ALG14: variants seen among roughly 807,000 people sequenced by gnomAD.
The protein encoded by ALG14 is ALG14 UDP-N-acetylglucosaminyltransferase subunit, also known as UDP-N-acetylglucosamine transferase subunit ALG14.
ALG14 carries 17 observed loss-of-function variants against 22.8 expected under a neutral mutation model. That is an observed-to-expected ratio of 0.75 (90% CI 0.51 to 1.12). The LOEUF is 1.12. ALG14 is among the 50% of genes most tolerant of loss of function. The pLI is 0.00. For missense variants in ALG14, 288 were observed against 271.8 expected, an observed-to-expected ratio of 1.06 and a Z score of -0.42; for synonymous variants, 89 against 103.7, an observed-to-expected ratio of 0.86 and a Z score of 0.86.
chr1:94,984,869 A>G (rs910079898), intron 3 of ALG14, among the ~76,000 whole-genome samples: 3 of 152,258 alleles, frequency 2.0e-5, no homozygotes, highest in African/African-American at 7.2e-5. Flanking sequence ...CAAGTACTGC[A>G]CTAAACATTT....
intron 2 of ALG14, among the ~76,000 whole-genome samples, chr1:95,045,339 T>TG (rs1176590020): frequency 6.6e-6 from 1 of 152,198 alleles, no homozygotes; most frequent in Admixed American, 6.6e-5. Flanking sequence ...ACTCTTCTTT[T>TG]GGTTCTGATT....
rs775152763 is a variant in ALG14 at position 95,064,877 on chromosome 1, G to C, written c.277C>G (p.Pro93Ala). Residue 93 changes from proline to alanine, a missense_variant, in exon 2 of 4, where the codon CCT becomes GCT. By Grantham distance (27) the Pro-to-Ala change is conservative (BLOSUM62 -1). Transcript: ENST00000370205. Reference protein sequence around the residue: ...SFELDRADRDPSNMYTKYYIH... With the variant: ...SFELDRADRDASNMYTKYYIH... ...AAATTGTCACTTACCATGTTACTAG[G>C]GTCTCTATCAGCTCGATCTAGTTCA... is the stretch of plus-strand genomic sequence containing the variant. 1.6e-5 allele frequency: 25 copies of C among 1,611,070 alleles called. No individual in the cohort carries two copies. Among genetic ancestry groups the C allele is most frequent in the Middle Eastern group, 1.7e-4 (1 of 6,058 alleles).
At chr1:94,993,327 A>G (rs1235288612) in intron 3 of ALG14, among the ~76,000 whole-genome samples, 1 of 146,326 alleles carries the variant, frequency 6.8e-6, no homozygotes, top group Non-Finnish European at 1.5e-5. Flanking sequence ...ATATAAATAT[A>G]TATTTTAAAT....
chr1:95,016,951 GT>G (rs1673513772), intron 3 of ALG14, among the ~76,000 whole-genome samples: 1 of 98,456 alleles, frequency 1.0e-5, no homozygotes, highest in Non-Finnish European at 2.1e-5. Flanking sequence ...GGGTGTGTGT[GT>G]GTGTGTGTGT....
chr1:95,023,840 T>C (rs1673732626), intron 3 of ALG14, among the ~76,000 whole-genome samples: 1 of 152,154 alleles, frequency 6.6e-6, no homozygotes, highest in African/African-American at 2.4e-5. Context: ...AGCACCAGTG[T>C]AGGGAGTGGG....
At chr1:95,040,898 A>G (rs1208222042) in intron 2 of ALG14, among the ~76,000 whole-genome samples, 1 of 152,232 alleles carries the variant, frequency 6.6e-6, no homozygotes, top group African/African-American at 2.4e-5. Context: ...TAACGGCACT[A>G]TGTTATTCAC....
intron 3 of ALG14, among the ~76,000 whole-genome samples, chr1:95,017,778 C>T (rs1466914283): frequency 1.3e-5 from 2 of 152,124 alleles, no homozygotes; most frequent in East Asian, 1.9e-4. Context: ...ATAGCCACAT[C>T]GACATCATAA....
chr1:95,051,498 A>C (rs1450590158), intron 2 of ALG14, among the ~76,000 whole-genome samples: 1 of 152,150 alleles, frequency 6.6e-6, no homozygotes. Context: ...TCAGCGACTA[A>C]AGTGATTCTG....
At position 94,979,227 on chromosome 1, in the gene ALG14, T is replaced by A. The variant is rs1406605249; in HGVS notation, c.*3849A>T. The A allele has an allele frequency of 7.5e-6, 1 of 132,606 alleles. No individual in the cohort carries two copies. 8.2% of individuals were successfully genotyped at this position (132,606 alleles called of 1,614,324 possible). ...TGAAGCCAGGAGGCAGAGGTTACAG[T>A]GAGCCAGTAAGGTGAGATTGCACCA... On this transcript the variant is annotated 3_prime_UTR_variant, in exon 4 of 4. Coordinates refer to ENST00000370205, the MANE Select transcript of ALG14 (RefSeq NM_144988.4).
chr1:95,045,774 TGGC>T (rs1674528342), intron 2 of ALG14, among the ~76,000 whole-genome samples: 1 of 145,596 alleles, frequency 6.9e-6, no homozygotes, highest in Non-Finnish European at 1.5e-5. Context: ...ACTAATAGAA[TGGC>T]ATACTAATAG....
intron 2 of ALG14, among the ~76,000 whole-genome samples, chr1:95,064,292 C>T (rs1675273657): frequency 6.6e-6 from 1 of 152,146 alleles, no homozygotes; most frequent in African/African-American, 2.4e-5. Flanking sequence ...TTCCTGATTG[C>T]CCTGGCCAGA....
chr1:94,980,431 C>T lies in ALG14; in HGVS notation c.*2645G>A, dbSNP rs1672474528. On this transcript the variant is annotated 3_prime_UTR_variant, in exon 4 of 4. Coordinates refer to ENST00000370205, the MANE Select transcript of ALG14 (RefSeq NM_144988.4). ...TAGGTGTGGGCAGGATGTGTGGTTT[C>T]CCTGCCTCTCATTTGAAGACTGATT... 1 of 152,190 alleles carries T rather than the reference C, an allele frequency of 6.6e-6. No homozygotes were observed. The highest frequency in any genetic ancestry group is 2.1e-4 in the South Asian group (1 of 4,834). The allele number at this position is 152,190 out of a possible 1,614,324, so 9.4% of individuals were successfully genotyped here. A position where few individuals can be genotyped will look rare whatever the true frequency, so the allele number is the denominator to read the frequency against.
At chr1:95,039,086 G>C (rs1674300550) in intron 2 of ALG14, among the ~76,000 whole-genome samples, 1 of 152,120 alleles carries the variant, frequency 6.6e-6, no homozygotes, top group Non-Finnish European at 1.5e-5. Flanking sequence ...AACTTGTGCA[G>C]GATATAAAAT....
chr1:95,061,097 G>A (rs781780317), intron 2 of ALG14, among the ~76,000 whole-genome samples: 1 of 152,196 alleles, frequency 6.6e-6, no homozygotes, highest in African/African-American at 2.4e-5. Context: ...AAGCCAGGAG[G>A]AAGCAAGGAG....
chr1:94,977,378 A>G lies in ALG14; in HGVS notation c.*5698T>C, dbSNP rs1340076443. 1.3e-5 allele frequency: 2 copies of G among 152,202 alleles called. No homozygotes were observed. The highest frequency in any genetic ancestry group is 4.8e-5 in the African/African-American group (2 of 41,450). 9.4% of individuals were successfully genotyped at this position (152,202 alleles called of 1,614,324 possible). On this transcript the variant is annotated 3_prime_UTR_variant, in exon 4 of 4. Transcript: ENST00000370205. ...ATTATGTAAAGCAGCAGTTCTTAAA[A>G]TGTGGTCCAAGGTCCTGGGGAGTCT...
intron 3 of ALG14, among the ~76,000 whole-genome samples, chr1:95,013,294 A>G (rs1217390202): frequency 6.6e-6 from 1 of 151,600 alleles, no homozygotes; most frequent in Non-Finnish European, 1.5e-5. Flanking sequence ...CTAGCCCTCC[A>G]TCTCTTTTGA....
Position 95,046,341 on chromosome 1 carries a change from T to C in ALG14, c.288+18525A>G, listed in dbSNP as rs534279035. Among the ~76,000 whole-genome samples the C allele has an allele frequency of 2.6e-5, 4 of 152,292 alleles. No individual in the cohort carries two copies. The South Asian group carries it at 8.3e-4, about 32-fold the overall frequency. Reference sequence around the variant, plus strand: ...ATTACCACCTGAGCTCTGCCTCCTATCAGATCAGCAGCAGCATCAGATTCT... The same window carrying C: ...ATTACCACCTGAGCTCTGCCTCCTACCAGATCAGCAGCAGCATCAGATTCT... On this transcript the variant is annotated intron_variant, in intron 2 of 3. Coordinates refer to ENST00000370205, the MANE Select transcript of ALG14 (RefSeq NM_144988.4).
Position 94,982,719 on chromosome 1 carries a change from AAAAG to A in ALG14, c.*353_*356del, listed in dbSNP as rs1276100723. On this transcript the variant is annotated 3_prime_UTR_variant, in exon 4 of 4. Transcript: ENST00000370205. ...CTTTACAAAAAAAAAAAAAAAAAAAAAAAGCTGTAGGACAGGAAATATTACTAAT... is the reference window on the plus strand; with the variant it reads ...CTTTACAAAAAAAAAAAAAAAAAAAACTGTAGGACAGGAAATATTACTAAT... 1 of 157,942 alleles carries A rather than the reference AAAAG, an allele frequency of 6.3e-6. No individual in the cohort carries two copies. Among genetic ancestry groups the A allele is most frequent in the African/African-American group, 2.4e-5 (1 of 41,414 alleles). The allele number at this position is 157,942 out of a possible 1,614,324, so 9.8% of individuals were successfully genotyped here. A position where few individuals can be genotyped will look rare whatever the true frequency, so the allele number is the denominator to read the frequency against.
intron 3 of ALG14, among the ~76,000 whole-genome samples, chr1:95,012,070 C>T (rs933836349): frequency 6.6e-6 from 1 of 152,122 alleles, no homozygotes; most frequent in African/African-American, 2.4e-5. Flanking sequence ...AGGGGTTTCC[C>T]CTTTGGCTTG....
Sources: gnomAD v4.1 joint callset for allele counts (sites outside exome capture counted in the v4.1 genomes callset) on GRCh38, gnomAD v4.1.1 for gene constraint, MANE v1.5 for transcripts, NCBI Gene and HGNC (gene_info 2026-07-23, HGNC 2026-07-21) for gene names.